Variants in OVOL2 observed in about 807,000 individuals in gnomAD.
OVOL2 encodes the protein ovo like zinc finger 2, also known as transcription factor Ovo-like 2.
A neutral mutation model predicts 18.1 loss-of-function variants in OVOL2; 13 were observed. The ratio of observed to expected loss-of-function variants is 0.72; its 90% CI spans 0.47 to 1.14. The LOEUF (loss-of-function observed/expected upper bound fraction) is 1.14. OVOL2 is among the 50% of genes most tolerant of loss of function. The pLI, the probability that OVOL2 is intolerant of heterozygous loss-of-function variation, is 0.00. For missense variants in OVOL2, 335 were observed against 383.0 expected, an observed-to-expected ratio of 0.87 and a Z score of 1.05; for synonymous variants, 166 against 162.7, an observed-to-expected ratio of 1.02 and a Z score of -0.16.
chr20:18,026,533 C>T (rs899020514), intron 3 of OVOL2, among the ~76,000 whole-genome samples: 1 of 152,114 alleles, frequency 6.6e-6, no homozygotes, highest in South Asian at 2.1e-4. Context: ...AGGCACCCGC[C>T]ACCACGCCCA....
chr20:18,048,194 C>A (rs891360410), intron 2 of OVOL2, among the ~76,000 whole-genome samples: 3 of 145,558 alleles, frequency 2.1e-5, no homozygotes, highest in African/African-American at 7.6e-5. Context: ...GGCTGAGGCA[C>A]GAGAATCACT....
At chr20:18,050,900 C>T (rs2036765980) in intron 2 of OVOL2, among the ~76,000 whole-genome samples, 1 of 152,104 alleles carries the variant, frequency 6.6e-6, no homozygotes, top group Admixed American at 6.5e-5. Flanking sequence ...GCCAAATGTG[C>T]AGCCAGGAAA....
intron 2 of OVOL2, among the ~76,000 whole-genome samples, chr20:18,048,630 GT>G (rs1177407592): frequency 3.3e-5 from 5 of 151,340 alleles, no homozygotes; most frequent in African/African-American, 1.2e-4. Context: ...GGAGGCTGAG[GT>G]GGGGGGCGGC....
At chr20:18,028,703 A>C (rs555082999) in intron 3 of OVOL2, among the ~76,000 whole-genome samples, 1 of 152,092 alleles carries the variant, frequency 6.6e-6, no homozygotes, top group African/African-American at 2.4e-5. Flanking sequence ...TGAGGCACGA[A>C]AATTGCTTGA....
At chr20:18,027,904 A>G (rs1476915176) in intron 3 of OVOL2, among the ~76,000 whole-genome samples, 2 of 152,064 alleles carry the variant, frequency 1.3e-5, no homozygotes, top group African/African-American at 4.8e-5. Flanking sequence ...TGTAAGGTCT[A>G]ACTTAGGCTC....
At chr20:18,054,766 C>CAAAAAAAAAAAAAAAAAAAAA (rs745367889) in intron 2 of OVOL2, among the ~76,000 whole-genome samples, 3 of 63,470 alleles carry the variant, frequency 4.7e-5, no homozygotes, top group African/African-American at 1.4e-4. Context: ...AACTCCATCT[C>CAAAAAAAAAAAAAAAAAAAAA]AAAAAAAAAA....
intron 3 of OVOL2, among the ~76,000 whole-genome samples, chr20:18,026,588 A>C (rs1159777783): frequency 6.6e-6 from 1 of 152,074 alleles, no homozygotes; most frequent in South Asian, 2.1e-4. Flanking sequence ...TCACCATGTT[A>C]GCCAGAATGG....
intron 3 of OVOL2, among the ~76,000 whole-genome samples, chr20:18,031,534 G>A (rs543409144): frequency 6.9e-4 from 105 of 152,180 alleles, no homozygotes; most frequent in African/African-American, 1.7e-3. Flanking sequence ...CTGAGATGGC[G>A]CCACTGCACT....
intron 3 of OVOL2, among the ~76,000 whole-genome samples, chr20:18,031,986 G>C (rs546331230): frequency 6.6e-6 from 1 of 152,218 alleles, no homozygotes; most frequent in East Asian, 1.9e-4. Flanking sequence ...GAACTTCAGC[G>C]AGAAGATTTT....
chr20:18,031,439 T>C (rs2036569617), intron 3 of OVOL2, among the ~76,000 whole-genome samples: 1 of 152,156 alleles, frequency 6.6e-6, no homozygotes, highest in Non-Finnish European at 1.5e-5. Context: ...TAGCCGGGCA[T>C]GGTGGCGAGT....
Position 18,052,486 on chromosome 20 carries a change from C to T in OVOL2, c.321+4171G>A, listed in dbSNP as rs151000333. Among the ~76,000 whole-genome samples the T allele has an allele frequency of 2.7e-3, 407 of 152,256 alleles. 2 individuals carry two copies. Among genetic ancestry groups the T allele is most frequent in the African/African-American group, 9.4e-3 (389 of 41,554 alleles). On this transcript the variant is annotated intron_variant, in intron 2 of 3. Transcript: ENST00000278780. ...GTCCTAGATTTGCTTCAGAATCATG[C>T]ATGGGGCAAGGGGTGGGAGTGTGGC...
intron 2 of OVOL2, among the ~76,000 whole-genome samples, chr20:18,046,420 G>A (rs2036724391): frequency 6.6e-6 from 1 of 152,088 alleles, no homozygotes; most frequent in Non-Finnish European, 1.5e-5. Flanking sequence ...AGCCCTTGTG[G>A]ATGTCCATCC....
intron 3 of OVOL2, among the ~76,000 whole-genome samples, chr20:18,029,775 C>T (rs1355645877): frequency 1.3e-5 from 2 of 151,954 alleles, no homozygotes; most frequent in African/African-American, 2.4e-5. Flanking sequence ...TCCAGGAGTT[C>T]GAGACTAGCC....
At position 18,041,676 on chromosome 20, in the gene OVOL2, C is replaced by G; in HGVS notation, c.369G>C (p.Leu123=). The G allele has an allele frequency of 6.2e-7, 1 of 1,613,946 alleles. No individual in the cohort carries two copies. The highest frequency in any genetic ancestry group is 8.5e-7 in the Non-Finnish European group (1 of 1,179,964). ...CSDSVVHSCD[L]CGKGFRLQRM... is the part of the protein sequence containing the mutation. ...GCTGCAGACGGAAGCCCTTGCCACACAGGTCACAGCTGTGAACCACCGAGT... is the reference window on the plus strand; with the variant it reads ...GCTGCAGACGGAAGCCCTTGCCACAGAGGTCACAGCTGTGAACCACCGAGT... The change falls in exon 3 of 4, where the codon CTG becomes CTC. Residue 123 remains leucine (L), a synonymous_variant. Coordinates refer to ENST00000278780, the MANE Select transcript of OVOL2 (RefSeq NM_021220.4).
chr20:18,057,937 C>A (rs2036846491), upstream of OVOL2: 3 of 1,208,650 alleles, frequency 2.5e-6, no homozygotes, highest in Non-Finnish European at 2.1e-6. This position sits in a 1 kb window ranked among gnomAD's most constrained non-coding sequence, Gnocchi z 6.3. Flanking sequence ...ATGCGCCCTG[C>A]AACATAACGG....
At chr20:18,025,850 G>A (rs2036509110) in intron 3 of OVOL2, among the ~76,000 whole-genome samples, 1 of 152,210 alleles carries the variant, frequency 6.6e-6, no homozygotes, top group South Asian at 2.1e-4. Context: ...GCTGCTCCTG[G>A]GTGGTTTTGA....
chr20:18,033,552 CT>C (rs1206776449), intron 3 of OVOL2, among the ~76,000 whole-genome samples: 1 of 152,236 alleles, frequency 6.6e-6, no homozygotes, highest in Non-Finnish European at 1.5e-5. Context: ...TGTCTGAAAT[CT>C]TTTACAGAAT....
intron 2 of OVOL2, among the ~76,000 whole-genome samples, chr20:18,049,106 C>T (rs948174974): frequency 6.6e-6 from 1 of 152,212 alleles, no homozygotes; most frequent in Non-Finnish European, 1.5e-5. Context: ...CATGGCCTGG[C>T]GCTTTTCTGA....
In OVOL2 at chr20:18,041,695, A is replaced by G. The variant is rs1262319004; in HGVS notation, c.350T>C (p.Val117Ala). 1 of 1,613,520 alleles carries G rather than the reference A, an allele frequency of 6.2e-7. No individual in the cohort carries two copies. Among genetic ancestry groups the G allele is most frequent in the East Asian group, 2.2e-5 (1 of 44,866 alleles). ...GCCACACAGGTCACAGCTGTGAACCACCGAGTCGCTGCACGTGCCTGTGGT... is the reference window on the plus strand; with the variant it reads ...GCCACACAGGTCACAGCTGTGAACCGCCGAGTCGCTGCACGTGCCTGTGGT... ...KFTTGTCSDS[V>A]VHSCDLCGKG... Residue 117 changes from valine to alanine, a missense_variant, in exon 3 of 4, where the codon GTG becomes GCG. By Grantham distance (64) the Val-to-Ala change is moderately conservative (BLOSUM62 0). Coordinates refer to ENST00000278780, the MANE Select transcript of OVOL2 (RefSeq NM_021220.4).
Sources: gnomAD v4.1 joint callset for allele counts (sites outside exome capture counted in the v4.1 genomes callset) on GRCh38, gnomAD v4.1.1 for gene constraint, Gnocchi (gnomAD v3.1) non-coding constraint, MANE v1.5 for transcripts, NCBI Gene and HGNC (gene_info 2026-07-23, HGNC 2026-07-21) for gene names.